Variants in STXBP5L observed in about 807,000 individuals in gnomAD.
STXBP5L encodes the protein syntaxin-binding protein 5-like.
Under a neutral mutation model 144.5 loss-of-function variants are expected in STXBP5L, and 65 were observed. The ratio of observed to expected loss-of-function variants is 0.45; its 90% CI spans 0.37 to 0.55. The LOEUF (loss-of-function observed/expected upper bound fraction) is 0.55, where lower values mean the gene tolerates loss of function less well. STXBP5L is among the 20% of genes least tolerant of loss of function. STXBP5L has a pLI of 0.00. For missense variants in STXBP5L, 1,298 were observed against 1,405.5 expected (o/e 0.92, Z 1.22); for synonymous variants, 505 against 469.6 (o/e 1.08, Z -0.97).
At chr3:121,313,110 C>G (rs1386768765) in intron 19 of STXBP5L, among the ~76,000 whole-genome samples, 1 of 147,092 alleles carries the variant, frequency 6.8e-6, no homozygotes. Flanking sequence ...CACCACCCTC[C>G]CAGACGGGGC....
intron 2 of STXBP5L, among the ~76,000 whole-genome samples, chr3:120,919,890 C>G (rs1709278864): frequency 6.6e-6 from 1 of 151,800 alleles, no homozygotes; most frequent in South Asian, 2.1e-4. Flanking sequence ...ATTCTTTTTT[C>G]AATGGCTCAG....
At chr3:121,053,326 C>T (rs180983376) in intron 5 of STXBP5L, among the ~76,000 whole-genome samples, 8 of 152,066 alleles carry the variant, frequency 5.3e-5, no homozygotes, top group Non-Finnish European at 1.0e-4. Flanking sequence ...GCATCACACT[C>T]CCTGATTTCA....
chr3:121,192,334 A>T (rs947594402), intron 9 of STXBP5L, among the ~76,000 whole-genome samples: 98 of 152,222 alleles, frequency 6.4e-4, no homozygotes, highest in African/African-American at 2.3e-3. Context: ...ACACAAACAA[A>T]TGGAAGAACA....
intron 5 of STXBP5L, among the ~76,000 whole-genome samples, chr3:121,057,169 A>C (rs1948520250): frequency 6.6e-6 from 1 of 152,118 alleles, no homozygotes; most frequent in Non-Finnish European, 1.5e-5. Flanking sequence ...AGTGCTGAGC[A>C]AAAGAAGCCG....
intron 2 of STXBP5L, among the ~76,000 whole-genome samples, chr3:120,933,929 G>C (rs1710107391): frequency 6.6e-6 from 1 of 152,022 alleles, no homozygotes; most frequent in Admixed American, 6.6e-5. Flanking sequence ...TTAAAGGAAT[G>C]ATTGTAGTTT....
chr3:121,018,709 G>A (rs545479644), intron 3 of STXBP5L, among the ~76,000 whole-genome samples: 1 of 152,278 alleles, frequency 6.6e-6, no homozygotes, highest in African/African-American at 2.4e-5. Flanking sequence ...AAAAGAATCG[G>A]TAACTTGGAT....
At chr3:120,986,760 CA>C (rs1293025603) in intron 3 of STXBP5L, among the ~76,000 whole-genome samples, 2 of 150,968 alleles carry the variant, frequency 1.3e-5, no homozygotes, top group South Asian at 2.1e-4. Flanking sequence ...AAATAGCAAA[CA>C]AAAAAATAGA....
At chr3:121,266,676 G>A (rs1345999346) in intron 18 of STXBP5L, among the ~76,000 whole-genome samples, 1 of 152,288 alleles carries the variant, frequency 6.6e-6, no homozygotes, top group East Asian at 1.9e-4. Flanking sequence ...AAAAAGGGAG[G>A]AAGTCAAATT....
chr3:121,047,101 A>G (rs951975622), intron 5 of STXBP5L, among the ~76,000 whole-genome samples: 6 of 151,970 alleles, frequency 3.9e-5, no homozygotes, highest in African/African-American at 1.2e-4. Context: ...CCATAATTTC[A>G]TTGTTTACCC....
intron 3 of STXBP5L, among the ~76,000 whole-genome samples, chr3:121,003,653 C>G (rs964377517): frequency 6.6e-6 from 1 of 152,154 alleles, no homozygotes; most frequent in African/African-American, 2.4e-5. Context: ...ATGGTATTGC[C>G]TAGGTTTTCT....
chr3:120,953,192 C>G (rs373975706), intron 2 of STXBP5L, among the ~76,000 whole-genome samples: 37 of 151,980 alleles, frequency 2.4e-4, no homozygotes, highest in African/African-American at 8.9e-4. Context: ...ACTTAAAGAG[C>G]TGTTGAACAA....
At chr3:121,365,907 A>G (rs150230185) in intron 20 of STXBP5L, among the ~76,000 whole-genome samples, 2 of 151,256 alleles carry the variant, frequency 1.3e-5, no homozygotes. Flanking sequence ...TATAGCTACA[A>G]ATTTCCCTCT....
intron 3 of STXBP5L, among the ~76,000 whole-genome samples, chr3:120,956,858 T>G (rs1559908179): frequency 6.6e-6 from 1 of 151,988 alleles, no homozygotes; most frequent in Non-Finnish European, 1.5e-5. Context: ...ATTTTTTTCT[T>G]TTGTTGCCTG....
intron 7 of STXBP5L, among the ~76,000 whole-genome samples, chr3:121,137,932 C>G (rs541961965): frequency 6.6e-6 from 1 of 152,130 alleles, no homozygotes; most frequent in Admixed American, 6.5e-5. Context: ...CTGACCAGAG[C>G]AACTAGGCAA....
intron 3 of STXBP5L, among the ~76,000 whole-genome samples, chr3:121,037,258 CT>C (rs371005089): frequency 0.019 from 2,677 of 142,270 alleles, 36 homozygotes; most frequent in Non-Finnish European, 0.032. Context: ...TTTTTCTTTT[CT>C]TTTTTTTTTG....
intron 3 of STXBP5L, among the ~76,000 whole-genome samples, chr3:120,971,727 CAT>C (rs1322673944): frequency 1.0e-4 from 15 of 150,686 alleles, no homozygotes; most frequent in South Asian, 2.1e-4. Context: ...TGTACACACA[CAT>C]ATATGTGTGT....
chr3:121,346,993 T>G (rs2045019473), intron 20 of STXBP5L, among the ~76,000 whole-genome samples: 1 of 152,216 alleles, frequency 6.6e-6, no homozygotes, highest in Admixed American at 6.5e-5. Flanking sequence ...TCTGTTGCCA[T>G]TGCTTTTGGT....
rs564032168 is a variant in STXBP5L, at chr3:120,953,045, C to T, written c.190-1895C>T. Among the ~76,000 whole-genome samples the T allele has an allele frequency of 5.3e-5, 8 of 152,086 alleles. 1 individual carries two copies. In the South Asian group the frequency reaches 1.5e-3, roughly 28 times the overall value. On this transcript the variant is annotated intron_variant, in intron 2 of 26. Coordinates refer to ENST00000471454, the MANE Select transcript of STXBP5L (RefSeq NM_001308330.2). ...GAACTCCTGGGCTCAAGTGATCCAC[C>T]TGCCTTGACCTCCCAAAGTGCTGGG...
chr3:121,094,642 C>T (rs1296133053), intron 5 of STXBP5L, among the ~76,000 whole-genome samples: 1 of 152,034 alleles, frequency 6.6e-6, no homozygotes, highest in Non-Finnish European at 1.5e-5. Context: ...TTCCTCCATC[C>T]TTTTATTTTG....
Sources: gnomAD v4.1 joint callset for allele counts (sites outside exome capture counted in the v4.1 genomes callset) on GRCh38, gnomAD v4.1.1 for gene constraint, MANE v1.5 for transcripts, NCBI Gene and HGNC (gene_info 2026-07-23, HGNC 2026-07-21) for gene names.